The following STEAP3 variants were observed in gnomAD, a reference collection of about 807,000 sequenced individuals.
STEAP3 encodes the protein metalloreductase STEAP3.
In STEAP3, 35 loss-of-function variants were observed where a neutral mutation model predicts 34.9. The observed-to-expected ratio is 1.00, with a 90% confidence interval of 0.76 to 1.33. The LOEUF (loss-of-function observed/expected upper bound fraction) is 1.33, where lower values mean the gene tolerates loss of function less well. STEAP3 is among the 40% of genes most tolerant of loss of function. STEAP3 has a pLI of 0.00. For missense variants in STEAP3, 652 were observed against 667.6 expected, an observed-to-expected ratio of 0.98 and a Z score of 0.26; for synonymous variants, 281 against 301.6, an observed-to-expected ratio of 0.93 and a Z score of 0.71.
chr2:119,246,388 T>G, intron 3 of STEAP3: 1 of 189,544 alleles, frequency 5.3e-6, no homozygotes, highest in Non-Finnish European at 1.1e-5. Context: ...CAGGCATGTC[T>G]CAAATTTTAT....
intron 5 of STEAP3, chr2:119,257,572 G>T: frequency 6.5e-7 from 1 of 1,543,362 alleles, no homozygotes. Context: ...CTAGGCCCTC[G>T]GAGCTTCTGC....
At position 119,237,192 on chromosome 2, in the gene STEAP3, C is replaced by T. The variant is rs375376031; in HGVS notation, c.22+6158C>T. Among the ~76,000 whole-genome samples the T allele has an allele frequency of 7.9e-5, 12 of 152,270 alleles. 1 individual carries two copies. The South Asian group carries it at 2.3e-3, about 29-fold the overall frequency. On this transcript the variant is annotated intron_variant, in intron 2 of 5. Transcript: ENST00000393110. The stretch of plus-strand genomic sequence containing the variant: ...CTCTGGATTTATTCAGGATCAGTCA[C>T]CTTAGTAACCTGCAAGGTCAGCCAG...
Position 119,245,212 on chromosome 2 carries a change from C to T in STEAP3, c.23-277C>T, listed in dbSNP as rs1677373534. The stretch of plus-strand genomic sequence containing the variant: ...CCAGAGTTCCCTTTCCCAGCACTCT[C>T]ACTCTGCCAGTTTTTCCCGAGGAAA... On this transcript the variant is annotated intron_variant, in intron 2 of 5. Coordinates refer to ENST00000393110, the MANE Select transcript of STEAP3 (RefSeq NM_182915.3). 1.1e-5 allele frequency: 5 copies of T among 451,136 alleles called. No individual in the cohort carries two copies. The East Asian group carries it at 1.7e-4, about 15-fold the overall frequency. 27.9% of individuals were successfully genotyped at this position (451,136 alleles called of 1,614,324 possible). A position where few individuals can be genotyped will look rare whatever the true frequency, so the allele number is the denominator to read the frequency against.
chr2:119,247,100 A>G (rs1677451570), intron 3 of STEAP3, among the ~76,000 whole-genome samples: 1 of 152,116 alleles, frequency 6.6e-6, no homozygotes, highest in African/African-American at 2.4e-5. Context: ...GAGGACTGCA[A>G]TGTGCCTGCA....
At chr2:119,250,679 T>A (rs1677597723) in intron 4 of STEAP3, among the ~76,000 whole-genome samples, 1 of 151,976 alleles carries the variant, frequency 6.6e-6, no homozygotes, top group Non-Finnish European at 1.5e-5. Context: ...ACACCACTGC[T>A]CCCTCCCTCC....
Position 119,245,542 on chromosome 2 carries a change from GAC to G in STEAP3, c.78_79del (p.Asp26GlufsTer3). 2 of 1,600,540 alleles carry G rather than the reference GAC, an allele frequency of 1.2e-6. No homozygotes were observed. The highest frequency in any genetic ancestry group is 1.7e-6 in the Non-Finnish European group (2 of 1,168,962). ...GCCACTGATCAGCCTCCACCTGGTG[GAC>G]AGCGATAGTAGCCTTGCCAAGGTCC... ...DKPLISLHLVDSDSSLAKVPD... is the reference protein window; with the variant it reads ...DKPLISLHLVXSDSSLAKVPD... On this transcript the variant is annotated frameshift_variant, in exon 3 of 6. Coordinates refer to ENST00000393110, the MANE Select transcript of STEAP3 (RefSeq NM_182915.3). LOFTEE classifies it high-confidence loss of function.
intron 5 of STEAP3, among the ~76,000 whole-genome samples, chr2:119,260,674 G>C (rs1677917918): frequency 6.6e-6 from 1 of 152,242 alleles, no homozygotes; most frequent in African/African-American, 2.4e-5. Flanking sequence ...ATTTAGAAAA[G>C]TTGGGGTGGC....
chr2:119,253,241 G>T (rs55678108), intron 4 of STEAP3, among the ~76,000 whole-genome samples: 9,445 of 152,278 alleles, frequency 0.062, 328 homozygotes, highest in Middle Eastern at 0.11. Flanking sequence ...GTCAGGACAA[G>T]AGGCTGGGTC....
rs533819123 is a variant in STEAP3, at chr2:119,249,277, G to A, written c.1050+1071G>A. On this transcript the variant is annotated intron_variant, in intron 4 of 5. Transcript: ENST00000393110. ...GAGGACCTTCAGGCCACACCAGGTG[G>A]GGACCCAGGCATCAGCTGGCACCTG... Among the ~76,000 whole-genome samples, 6 of 152,226 alleles carry A rather than the reference G, an allele frequency of 3.9e-5. No homozygotes were observed. The East Asian group carries it at 5.8e-4, about 15-fold the overall frequency.
At chr2:119,248,525 T>TG (rs1677522991) in intron 4 of STEAP3, 1 of 318,588 alleles carries the variant, frequency 3.1e-6, no homozygotes, top group Non-Finnish European at 5.8e-6. Context: ...GCGTGGGCGG[T>TG]GGGGGTGCAG....
At chr2:119,262,998 C>T in intron 5 of STEAP3, 59 bp from the exon 6 acceptor site, 1 of 1,577,986 alleles carries the variant, frequency 6.3e-7, no homozygotes, top group Non-Finnish European at 8.6e-7. Flanking sequence ...GAGTCGTTGG[C>T]AGGATCACTG....
rs1046860365 is a variant in STEAP3 at position 119,263,546 on chromosome 2, A to G, written c.*208A>G. 7 of 703,112 alleles carry G rather than the reference A, an allele frequency of 1.0e-5. No individual in the cohort carries two copies. The highest frequency in any genetic ancestry group is 2.7e-5 in the East Asian group (1 of 36,450). 43.6% of individuals were successfully genotyped at this position (703,112 alleles called of 1,614,324 possible). Reference sequence around the variant, plus strand: ...ATGTATTTACATATATTCCACATATATAACAGGATTTGCAATTATACATAG... The same window carrying G: ...ATGTATTTACATATATTCCACATATGTAACAGGATTTGCAATTATACATAG... On this transcript the variant is annotated 3_prime_UTR_variant, in exon 6 of 6. Coordinates refer to ENST00000393110, the MANE Select transcript of STEAP3 (RefSeq NM_182915.3).
Position 119,253,301 on chromosome 2 carries a change from C to G in STEAP3, c.1051-1383C>G, listed in dbSNP as rs1323582218. On this transcript the variant is annotated intron_variant, in intron 4 of 5. Transcript: ENST00000393110. ...CTTAAAGTCACCAAAGTGAGCCAGG[C>G]CTGCCCTAAAATAGAACAGAGCCAA... 3.3e-5 allele frequency among the ~76,000 whole-genome samples: 5 copies of G among 152,184 alleles called. No individual in the cohort carries two copies. In the East Asian group the frequency reaches 7.7e-4, roughly 23 times the overall value.
At chr2:119,254,592 G>A (rs374597471) in intron 4 of STEAP3, 92 bp from the exon 5 acceptor site, 81 of 1,473,666 alleles carry the variant, frequency 5.5e-5, no homozygotes, top group African/African-American at 9.7e-5. Flanking sequence ...GTGAGCGCCC[G>A]CCGTCTTGTC....
At chr2:119,242,838 C>A (rs976326513) in intron 2 of STEAP3, among the ~76,000 whole-genome samples, 1 of 152,180 alleles carries the variant, frequency 6.6e-6, no homozygotes, top group South Asian at 2.1e-4. Context: ...AGAATCCAGG[C>A]GGACTGGCTC....
At chr2:119,257,905 G>A (rs962219812) in intron 5 of STEAP3, among the ~76,000 whole-genome samples, 2 of 152,174 alleles carry the variant, frequency 1.3e-5, no homozygotes, top group South Asian at 2.1e-4. Context: ...GACCTCACGC[G>A]AGAAAGAATT....
intron 2 of STEAP3, among the ~76,000 whole-genome samples, chr2:119,240,378 C>T (rs1677212421): frequency 6.6e-6 from 1 of 152,252 alleles, no homozygotes; most frequent in African/African-American, 2.4e-5. Flanking sequence ...CATCTGGCTG[C>T]AGGGTGCCAC....
rs764955448 is a variant in STEAP3, at chr2:119,247,786, G to A, written c.630G>A (p.Glu210=). Residue 210 remains glutamate, a synonymous_variant, in exon 4 of 6, where the codon GAG becomes GAA. Transcript: ENST00000393110. ...TGGGATCCCTGGCGTCAGCCTGGGA[G>A]GTGGAGGCCATGCCCCTGCGCCTCC... ...VDMGSLASAW[E]VEAMPLRLLP... The A allele has an allele frequency of 2.5e-6, 4 of 1,609,784 alleles. No individual in the cohort carries two copies. The highest frequency in any genetic ancestry group is 1.1e-5 in the South Asian group (1 of 91,046).
chr2:119,248,291 G>A (rs4592854), intron 4 of STEAP3, 85 bp downstream of exon 4: 81,769 of 1,453,342 alleles, frequency 0.056, 2,500 homozygotes, highest in African/African-American at 0.098. Flanking sequence ...AGGTGCAGCC[G>A]ATACCCACGG....
Sources: allele counts gnomAD v4.1 joint callset (sites outside exome capture counted in the v4.1 genomes callset), GRCh38; gene constraint gnomAD v4.1.1; transcripts MANE v1.5; gene names NCBI Gene and HGNC (gene_info 2026-07-23, HGNC 2026-07-21).